ZNF443: variants seen among roughly 807,000 people sequenced by gnomAD.
ZNF443 encodes Kruppel-type zinc finger (C2H2).
ZNF443 carries 3 observed loss-of-function variants against 12.0 expected under a neutral mutation model. The observed-to-expected ratio is 0.25, with a 90% CI of 0.11 to 0.64. The LOEUF is 0.64. Ranked by LOEUF, ZNF443 falls within the 30% of genes least tolerant of loss-of-function variation. The pLI, the probability that ZNF443 is intolerant of heterozygous loss-of-function variation, is 0.84. For missense variants in ZNF443, 770 were observed against 808.8 expected (o/e 0.95, Z 0.58); for synonymous variants, 225 against 265.9 (o/e 0.85, Z 1.50).
In ZNF443 at chr19:12,430,783, G is replaced by A. The variant is rs372247060; in HGVS notation, c.1389C>T (p.Ser463=). Residue 463 remains serine, a synonymous_variant, in exon 4 of 4, where the codon TCC becomes TCT. Coordinates refer to ENST00000301547, the MANE Select transcript of ZNF443 (RefSeq NM_005815.5). ...QCGKAYRISS[S]LRRHETTHTG... is the part of the protein sequence containing the mutation. ...TATGAGTTGTTTCATGCCTTCGAAG[G>A]GAACTGGAAATACGGTAGGCTTTGC... 51 of 1,613,816 alleles carry A rather than the reference G, an allele frequency of 3.2e-5. No homozygotes were observed. The highest frequency in any genetic ancestry group is 1.6e-4 in the East Asian group (7 of 44,850).
intron 1 of ZNF443, among the ~76,000 whole-genome samples, chr19:12,439,515 C>A (rs368649455): frequency 1.5e-4 from 23 of 152,032 alleles, no homozygotes; most frequent in East Asian, 1.4e-3. Flanking sequence ...GAGACAGGGT[C>A]GGCCTCTGTT....
chr19:12,440,810 C>T, intron 1 of ZNF443, 102 bp downstream of exon 1: 2 of 1,597,418 alleles, frequency 1.3e-6, no homozygotes, highest in Non-Finnish European at 1.7e-6. Context: ...GTCCGTAGAT[C>T]CCGAAGTCGC....
Position 12,431,474 on chromosome 19 carries a change from G to A in ZNF443, c.698C>T (p.Ala233Val), listed in dbSNP as rs145385942. The A allele has an allele frequency of 6.2e-6, 10 of 1,613,930 alleles. No individual in the cohort carries two copies. Among genetic ancestry groups the A allele is most frequent in the African/African-American group, 4.0e-5 (3 of 74,886 alleles). Reference protein sequence around the residue: ...KPYECKQCSKAFSFYSSYLRH... With the variant: ...KPYECKQCSKVFSFYSSYLRH... ...TAGATAGGAACTGTAAAAAGAAAAGGCTTTAGAACACTGCTTACATTCATA... is the reference window on the plus strand; with the variant it reads ...TAGATAGGAACTGTAAAAAGAAAAGACTTTAGAACACTGCTTACATTCATA... Residue 233 changes from alanine (A) to valine (V), a missense_variant, in exon 4 of 4, where the codon GCC (alanine) becomes GTC (valine). By Grantham distance (64) the Ala-to-Val change is moderately conservative. Coordinates refer to ENST00000301547, the MANE Select transcript of ZNF443 (RefSeq NM_005815.5).
In ZNF443 at chr19:12,431,480, G is replaced by C. The variant is rs1970253474; in HGVS notation, c.692C>G (p.Ser231Cys). ...GEKPYECKQC[S>C]KAFSFYSSYL... The stretch of plus-strand genomic sequence containing the variant: ...GGAACTGTAAAAAGAAAAGGCTTTA[G>C]AACACTGCTTACATTCATATGGTTT... Residue 231 changes from serine (S) to cysteine (C), a missense_variant, in exon 4 of 4, where the codon TCT becomes TGT. By Grantham distance (112) the Ser-to-Cys change is moderately radical. Coordinates refer to ENST00000301547, the MANE Select transcript of ZNF443 (RefSeq NM_005815.5). The C allele has an allele frequency of 1.2e-6, 2 of 1,613,596 alleles. No homozygotes were observed. Among genetic ancestry groups the C allele is most frequent in the East Asian group, 2.2e-5 (1 of 44,834 alleles).
chr19:12,434,792 TCCC>T (rs1445901065), intron 1 of ZNF443, among the ~76,000 whole-genome samples: 1 of 151,752 alleles, frequency 6.6e-6, no homozygotes, highest in Admixed American at 6.6e-5. Context: ...GCCCAATCTC[TCCC>T]CCATCAATGA....
At chr19:12,432,785 C>T (rs1190381768) in intron 2 of ZNF443, among the ~76,000 whole-genome samples, 1 of 148,358 alleles carries the variant, frequency 6.7e-6, no homozygotes, top group East Asian at 2.0e-4. Context: ...CTGTTTCTAG[C>T]TTACTTTACT....
chr19:12,440,785 G>C, intron 1 of ZNF443, 127 bp downstream of exon 1: 3 of 1,527,362 alleles, frequency 2.0e-6, no homozygotes, highest in Non-Finnish European at 2.7e-6. Flanking sequence ...GCCGACCTAC[G>C]CCAGGGGGAC....
rs1252751074 is a variant in ZNF443 at position 12,430,106 on chromosome 19, A to G, written c.*50T>C. 6.2e-7 allele frequency: 1 copy of G among 1,604,456 alleles called. No individual in the cohort carries two copies. The highest frequency in any genetic ancestry group is 1.3e-5 in the African/African-American group (1 of 74,274). ...GTGTTTCGTACAAGTATCTGAAATG[A>G]AATAAAATTAATAAATGCTTTCCCA... On this transcript the variant is annotated 3_prime_UTR_variant, in exon 4 of 4. Transcript: ENST00000301547.
In ZNF443 at chr19:12,431,836, G is replaced by A. The variant is rs779709360; in HGVS notation, c.336C>T (p.Val112=). The A allele has an allele frequency of 3.1e-5, 50 of 1,614,010 alleles. No individual in the cohort carries two copies. Among genetic ancestry groups the A allele is most frequent in the Middle Eastern group, 3.3e-4 (2 of 6,084 alleles). The change falls in exon 4 of 4, where the codon GTC becomes GTT. Residue 112 remains valine, a synonymous_variant. Transcript: ENST00000301547. ...AACAATTAAGGGATGAATGACCCAT[G>A]ACTTTTTCTCCTCTCATACTGCTTT... ...PCESSMRGEK[V]MGHSSLNCYI...
At chr19:12,439,796 C>G (rs141124773) in intron 1 of ZNF443, among the ~76,000 whole-genome samples, 6 of 151,958 alleles carry the variant, frequency 3.9e-5, no homozygotes, top group African/African-American at 1.5e-4. Context: ...TTCAGGAACC[C>G]AAAACAATTC....
In ZNF443 at chr19:12,437,937, C is replaced by CA. The variant is rs3071453; in HGVS notation, c.3+2974dup. ...TGAAACCCCGTCTCTATTAAAAATACAAAAAAAAAAAAAATTAGCCAGGCA... is the reference window on the plus strand; with the variant it reads ...TGAAACCCCGTCTCTATTAAAAATACAAAAAAAAAAAAAAATTAGCCAGGCA... On this transcript the variant is annotated intron_variant, in intron 1 of 3. Transcript: ENST00000301547. Among the ~76,000 whole-genome samples, 517 of 136,200 alleles carry CA rather than the reference C, an allele frequency of 3.8e-3. 1 individual carries two copies. The highest frequency in any genetic ancestry group is 0.022 in the Middle Eastern group (6 of 268). 89.4% of individuals were successfully genotyped at this position (136,200 alleles called of 152,430 possible). A position where few individuals can be genotyped will look rare whatever the true frequency, so the allele number is the denominator to read the frequency against.
Position 12,441,005 on chromosome 19 carries a change from G to C in ZNF443, c.-91C>G. On this transcript the variant is annotated 5_prime_UTR_variant, in exon 1 of 4. Coordinates refer to ENST00000301547, the MANE Select transcript of ZNF443 (RefSeq NM_005815.5). ...GACAAAGGCTGCCTCAGAACTTCCAGGTCGTCTCTCAGCTACAGAACCCAG... is the reference window on the plus strand; with the variant it reads ...GACAAAGGCTGCCTCAGAACTTCCACGTCGTCTCTCAGCTACAGAACCCAG... 6.2e-7 allele frequency: 1 copy of C among 1,608,772 alleles called. No individual in the cohort carries two copies. The highest frequency in any genetic ancestry group is 8.5e-7 in the Non-Finnish European group (1 of 1,177,072).
intron 1 of ZNF443, among the ~76,000 whole-genome samples, chr19:12,435,416 C>A (rs1970299200): frequency 6.6e-6 from 1 of 152,128 alleles, no homozygotes; most frequent in South Asian, 2.1e-4. Flanking sequence ...TACAGTAGAC[C>A]AACTAAGTCA....
chr19:12,439,996 T>C (rs554847112), intron 1 of ZNF443, among the ~76,000 whole-genome samples: 1 of 151,506 alleles, frequency 6.6e-6, no homozygotes, highest in East Asian at 1.9e-4. Flanking sequence ...CAGTGGTGGA[T>C]TTGAGACCCT....
In ZNF443 at chr19:12,439,166, G is replaced by A. The variant is rs1312834295; in HGVS notation, c.3+1746C>T. Reference sequence around the variant, plus strand: ...ACTACCTCAAAGGGCAGGTTCTCCAGTCCTTAGATATAACTTTCTACCTTT... The same window carrying A: ...ACTACCTCAAAGGGCAGGTTCTCCAATCCTTAGATATAACTTTCTACCTTT... On this transcript the variant is annotated intron_variant, in intron 1 of 3. Transcript: ENST00000301547. Among the ~76,000 whole-genome samples the A allele has an allele frequency of 3.3e-5, 5 of 152,300 alleles. No homozygotes were observed. In the East Asian group the frequency reaches 9.6e-4, roughly 29 times the overall value.
chr19:12,438,916 G>A (rs988717058), intron 1 of ZNF443, among the ~76,000 whole-genome samples: 3 of 152,050 alleles, frequency 2.0e-5, no homozygotes, highest in East Asian at 3.8e-4. Flanking sequence ...TGTATTTCAC[G>A]GTTAATCAAA....
chr19:12,434,258 G>A (rs987379732), intron 1 of ZNF443, among the ~76,000 whole-genome samples: 2 of 152,180 alleles, frequency 1.3e-5, no homozygotes, highest in Non-Finnish European at 2.9e-5. Flanking sequence ...TATTTCACAT[G>A]TTTTGTTGCA....
chr19:12,438,795 T>C (rs1970338473), intron 1 of ZNF443, among the ~76,000 whole-genome samples: 1 of 152,190 alleles, frequency 6.6e-6, no homozygotes, highest in Non-Finnish European at 1.5e-5. Flanking sequence ...TATTCTGAAG[T>C]CCAACTCTTT....
intron 1 of ZNF443, among the ~76,000 whole-genome samples, chr19:12,436,981 G>C (rs556231670): frequency 6.6e-6 from 1 of 151,476 alleles, no homozygotes; most frequent in African/African-American, 2.4e-5. Flanking sequence ...GAGGAATGCT[G>C]AACACTGGGT....
Sources: allele counts gnomAD v4.1 joint callset (sites outside exome capture counted in the v4.1 genomes callset), GRCh38; gene constraint gnomAD v4.1.1; transcripts MANE v1.5; gene names NCBI Gene and HGNC (gene_info 2026-07-23, HGNC 2026-07-21).